The following RIMS1 variants were observed in gnomAD, a reference collection of about 807,000 sequenced individuals.
RIMS1 encodes regulating synaptic membrane exocytosis protein 1.
Under a neutral mutation model 214.1 loss-of-function variants are expected in RIMS1, and 83 were observed. That is an observed-to-expected ratio of 0.39 (90% CI 0.32 to 0.47). RIMS1 has a LOEUF of 0.47. Among genes scored for constraint, RIMS1 ranks in the 20% least tolerant of loss-of-function variants. RIMS1 has a pLI of 0.99. For missense variants in RIMS1, 2,050 were observed against 2,161.8 expected, an observed-to-expected ratio of 0.95 and a Z score of 1.03; for synonymous variants, 793 against 786.8, an observed-to-expected ratio of 1.01 and a Z score of -0.13.
intron 6 of RIMS1, among the ~76,000 whole-genome samples, chr6:72,195,057 G>A (rs1211422208): frequency 6.6e-6 from 1 of 152,102 alleles, no homozygotes; most frequent in Non-Finnish European, 1.5e-5. Context: ...TGCCTGTGAG[G>A]AATTGAGTAA....
chr6:72,248,400 T>C (rs76901872), intron 12 of RIMS1, among the ~76,000 whole-genome samples: 11,249 of 152,246 alleles, frequency 0.074, 484 homozygotes, highest in Non-Finnish European at 0.1. Flanking sequence ...ATATTTTTTG[T>C]GTGCTATGTA....
chr6:72,313,183 A>G (rs1274321291), intron 27 of RIMS1, among the ~76,000 whole-genome samples: 2 of 152,190 alleles, frequency 1.3e-5, no homozygotes, highest in Non-Finnish European at 2.9e-5. Flanking sequence ...AAAAAAGAGA[A>G]GCGTATGTAC....
chr6:72,317,148 C>G (rs574328865), intron 28 of RIMS1: 1 of 352,496 alleles, frequency 2.8e-6, no homozygotes, highest in Non-Finnish European at 5.5e-6. Flanking sequence ...GCACCAGTCC[C>G]GACCAGGGTG....
rs534362805 is a variant in RIMS1 at position 72,074,374 on chromosome 6, A to C, written c.246-22575A>C. 3.3e-5 allele frequency among the ~76,000 whole-genome samples: 5 copies of C among 152,322 alleles called. No homozygotes were observed. The East Asian group carries it at 9.6e-4, about 29-fold the overall frequency. On this transcript the variant is annotated intron_variant, in intron 2 of 33. Transcript: ENST00000521978. ...ATGTAGGTCTGACTTATTGAAAATC[A>C]TATTAGAGGCTGAGTACAGTGGCTC...
intron 2 of RIMS1, among the ~76,000 whole-genome samples, chr6:71,981,559 G>GA (rs1798481266): frequency 1.3e-5 from 2 of 152,114 alleles, no homozygotes; most frequent in East Asian, 3.9e-4. Context: ...CCCCACATTA[G>GA]AAAAAATTCA....
chr6:72,085,112 A>G (rs1413303559), intron 2 of RIMS1, among the ~76,000 whole-genome samples: 40 of 152,172 alleles, frequency 2.6e-4, no homozygotes, highest in Non-Finnish European at 7.4e-5. Context: ...AGTAATTTAA[A>G]TAACTGTGAC....
intron 1 of RIMS1, among the ~76,000 whole-genome samples, chr6:71,929,478 G>A (rs1782453067): frequency 6.6e-6 from 1 of 152,004 alleles, no homozygotes. Context: ...TTATTGGAGA[G>A]AAAAAAGACT....
intron 27 of RIMS1, among the ~76,000 whole-genome samples, chr6:72,312,526 A>G (rs928275233): frequency 1.3e-5 from 2 of 152,134 alleles, no homozygotes; most frequent in Non-Finnish European, 1.5e-5. Context: ...ACAGCTTTGC[A>G]TATTTTAATC....
At chr6:72,065,276 A>G (rs1268860948) in intron 2 of RIMS1, among the ~76,000 whole-genome samples, 1 of 152,148 alleles carries the variant, frequency 6.6e-6, no homozygotes, top group African/African-American at 2.4e-5. Context: ...CACTTGTATT[A>G]CCAGTAACTT....
rs1286699857 is a variant in RIMS1, at chr6:72,290,816, A to G, written c.3692A>G (p.His1231Arg). 1 of 1,613,394 alleles carries G rather than the reference A, an allele frequency of 6.2e-7. No individual in the cohort carries two copies. Among genetic ancestry groups the G allele is most frequent in the South Asian group, 1.1e-5 (1 of 91,044 alleles). ...ATCAGAACACTGTGTTCTATGCACC[A>G]CCTTGTCCCTGGAGGGTCGGCGCCA... ...SSIRTLCSMH[H>R]LVPGGSAPPS... is the part of the protein sequence containing the mutation. Residue 1231 changes from histidine to arginine, a missense_variant, in exon 25 of 34, where the codon CAC becomes CGC. By Grantham distance (29) the His-to-Arg change is conservative. Transcript: ENST00000521978.
At chr6:72,006,509 G>A in intron 2 of RIMS1, among the ~76,000 whole-genome samples, 1 of 152,198 alleles carries the variant, frequency 6.6e-6, no homozygotes, top group Non-Finnish European at 1.5e-5. Flanking sequence ...TGCACCGAGT[G>A]TGATCCGAGG....
chr6:72,101,145 T>C (rs1164432716), intron 4 of RIMS1, among the ~76,000 whole-genome samples: 1 of 151,912 alleles, frequency 6.6e-6, no homozygotes, highest in African/African-American at 2.4e-5. Flanking sequence ...GGTGATAAAA[T>C]TTAAACTGCT....
intron 29 of RIMS1, among the ~76,000 whole-genome samples, chr6:72,381,229 C>T (rs1247982879): frequency 2.0e-5 from 3 of 151,982 alleles, no homozygotes; most frequent in Non-Finnish European, 1.5e-5. Flanking sequence ...CTCTGTGAGG[C>T]CTGATCTCCA....
intron 10 of RIMS1, among the ~76,000 whole-genome samples, chr6:72,244,393 A>G (rs896061390): frequency 4.6e-5 from 7 of 151,860 alleles, no homozygotes; most frequent in Non-Finnish European, 7.4e-5. Context: ...TCACTTTAAC[A>G]TATTTTCAAC....
At chr6:72,365,139 CTT>C (rs2097950286) in intron 29 of RIMS1, among the ~76,000 whole-genome samples, 1 of 152,248 alleles carries the variant, frequency 6.6e-6, no homozygotes, top group Admixed American at 6.5e-5. Flanking sequence ...CAAAAGTGCT[CTT>C]TGCCCAACCA....
At chr6:72,358,542 G>A (rs1476069772) in intron 29 of RIMS1, among the ~76,000 whole-genome samples, 2 of 152,240 alleles carry the variant, frequency 1.3e-5, no homozygotes, top group East Asian at 1.9e-4. Flanking sequence ...GAGATTACGT[G>A]GGGACAGAGA....
At chr6:72,259,415 A>G (rs1314286763) in intron 18 of RIMS1, among the ~76,000 whole-genome samples, 1 of 152,110 alleles carries the variant, frequency 6.6e-6, no homozygotes, top group Non-Finnish European at 1.5e-5. Context: ...CTGCATAAGG[A>G]GTTTTCAAAT....
At position 72,159,969 on chromosome 6, in the gene RIMS1, A is replaced by G. The variant is rs541292337; in HGVS notation, c.472-19606A>G. On this transcript the variant is annotated intron_variant, in intron 4 of 33. Transcript: ENST00000521978. Reference sequence around the variant, plus strand: ...GATGGGGATGGCATTGAATCTATAAATTACCTTGGGCAGCAAGGCCATTTT... The same window carrying G: ...GATGGGGATGGCATTGAATCTATAAGTTACCTTGGGCAGCAAGGCCATTTT... Among the ~76,000 whole-genome samples the G allele has an allele frequency of 8.6e-5, 12 of 139,296 alleles. 1 individual carries two copies. The highest frequency in any genetic ancestry group is 3.0e-4 in the African/African-American group (12 of 40,468). 91.4% of individuals were successfully genotyped at this position (139,296 alleles called of 152,430 possible). A position where few individuals can be genotyped will look rare whatever the true frequency, so the allele number is the denominator to read the frequency against.
At chr6:72,053,090 A>G (rs1409289809) in intron 2 of RIMS1, among the ~76,000 whole-genome samples, 2 of 152,168 alleles carry the variant, frequency 1.3e-5, no homozygotes, top group African/African-American at 4.8e-5. Context: ...GGCTGTTTCT[A>G]TAGGCATTTC....
Sources: allele counts gnomAD v4.1 joint callset (sites outside exome capture counted in the v4.1 genomes callset), GRCh38; gene constraint gnomAD v4.1.1; transcripts MANE v1.5; gene names NCBI Gene and HGNC (gene_info 2026-07-23, HGNC 2026-07-21).